The following PRKCE variants were observed in gnomAD, a reference collection of about 807,000 sequenced individuals.
The protein encoded by PRKCE is protein kinase C epsilon.
PRKCE carries 16 observed loss-of-function variants against 85.4 expected under a neutral mutation model. That is an observed-to-expected ratio of 0.19 (90% CI 0.13 to 0.28). The LOEUF is 0.28. Among genes scored for constraint, PRKCE ranks in the 10% least tolerant of loss-of-function variants. The probability of loss-of-function intolerance (pLI) is 1.00; values close to 1 mark genes in which losing one functional copy is unlikely to be tolerated. For synonymous variants in PRKCE, 388 were observed against 371.5 expected (o/e 1.04, Z -0.51); for missense variants, 573 against 975.2 (o/e 0.59, Z 5.49).
intron 10 of PRKCE, among the ~76,000 whole-genome samples, chr2:46,081,551 A>AG (rs1157928396): frequency 6.6e-6 from 1 of 152,204 alleles, no homozygotes; most frequent in African/African-American, 2.4e-5. Flanking sequence ...AGCACGTCAC[A>AG]GGGGGATCTG....
intron 2 of PRKCE, among the ~76,000 whole-genome samples, chr2:45,859,040 CTAAATAAATAAA>C (rs3045334): frequency 0.031 from 4,242 of 135,412 alleles, 88 homozygotes; most frequent in Middle Eastern, 0.074. Flanking sequence ...GACTCCATCT[CTAAATAAATAAA>C]TAAATAAATA....
intron 1 of PRKCE, among the ~76,000 whole-genome samples, chr2:45,827,487 C>T (rs1014062487): frequency 7.2e-5 from 11 of 152,028 alleles, no homozygotes; most frequent in African/African-American, 1.4e-4. Context: ...CTGTATGAGC[C>T]GGAATTGTTC....
chr2:45,840,563 C>T (rs1691260939), intron 1 of PRKCE: 1 of 152,212 alleles, frequency 6.6e-6, no homozygotes, highest in African/African-American at 2.4e-5. Flanking sequence ...TGAGCAGCTC[C>T]CCCGGGGTGC....
intron 1 of PRKCE, among the ~76,000 whole-genome samples, chr2:45,736,995 A>C (rs1682122647): frequency 6.6e-6 from 1 of 152,166 alleles, no homozygotes; most frequent in African/African-American, 2.4e-5. Flanking sequence ...GGCCATGCTG[A>C]AAGGGAGCTG....
intron 1 of PRKCE, among the ~76,000 whole-genome samples, chr2:45,749,829 G>A (rs1683406746): frequency 6.6e-6 from 1 of 152,178 alleles, no homozygotes; most frequent in Non-Finnish European, 1.5e-5. Context: ...CATTACAGCT[G>A]CTACAGGAAG....
In PRKCE at chr2:46,001,343, A is replaced by G; in HGVS notation, c.824-61A>G. 1 of 1,502,350 alleles carries G rather than the reference A, an allele frequency of 6.7e-7. No individual in the cohort carries two copies. The highest frequency in any genetic ancestry group is 1.3e-5 in the South Asian group (1 of 79,714). The allele number at this position is 1,502,350 out of a possible 1,614,324, so 93.1% of individuals were successfully genotyped here. On this transcript the variant is annotated intron_variant, in intron 6 of 14. Transcript: ENST00000306156. The surrounding 1 kb of genome is among the most constrained non-coding windows in gnomAD (Gnocchi z 4.4). ...ATGAACATATAATACAATCTCAAAG[A>G]AAAGAAGCAACATCTTAGGCCATGA...
intron 10 of PRKCE, among the ~76,000 whole-genome samples, chr2:46,080,469 G>A (rs763261863): frequency 2.0e-5 from 3 of 152,220 alleles, no homozygotes; most frequent in Non-Finnish European, 4.4e-5. Flanking sequence ...ATGATGTGGG[G>A]AAACCAACTC....
chr2:45,739,286 CT>C (rs1253787116), intron 1 of PRKCE, among the ~76,000 whole-genome samples: 3 of 152,186 alleles, frequency 2.0e-5, no homozygotes, highest in Non-Finnish European at 4.4e-5. Context: ...AATTATGAGC[CT>C]TGGAAAAGCT....
chr2:46,059,402 G>A (rs79352518), intron 10 of PRKCE, among the ~76,000 whole-genome samples: 1 of 152,094 alleles, frequency 6.6e-6, no homozygotes, highest in Non-Finnish European at 1.5e-5. Context: ...ACATACAGTG[G>A]CCTCAGCCCA....
chr2:46,107,234 A>C (rs1014867913), intron 11 of PRKCE, among the ~76,000 whole-genome samples: 9 of 152,244 alleles, frequency 5.9e-5, no homozygotes, highest in African/African-American at 2.4e-5. Flanking sequence ...AATGCCATTT[A>C]ATTGGAATCA....
intron 1 of PRKCE, among the ~76,000 whole-genome samples, chr2:45,741,816 C>A (rs1198478161): frequency 6.6e-6 from 1 of 152,214 alleles, no homozygotes; most frequent in Admixed American, 6.5e-5. Context: ...CAGGTCTTCT[C>A]TGTTCCAGCA....
At chr2:46,087,449 G>C (rs1669753542) in intron 11 of PRKCE, among the ~76,000 whole-genome samples, 1 of 152,164 alleles carries the variant, frequency 6.6e-6, no homozygotes, top group Admixed American at 6.5e-5. Flanking sequence ...GCTCCTGGGA[G>C]CAGTGCCCTG....
At chr2:46,017,681 G>A (rs1706285017) in intron 10 of PRKCE, among the ~76,000 whole-genome samples, 2 of 152,146 alleles carry the variant, frequency 1.3e-5, no homozygotes, top group South Asian at 2.1e-4. Flanking sequence ...GTGCACCAGG[G>A]TTCTGATCTG....
At chr2:45,714,467 G>A (rs1679924754) in intron 1 of PRKCE, among the ~76,000 whole-genome samples, 1 of 152,242 alleles carries the variant, frequency 6.6e-6, no homozygotes, top group Non-Finnish European at 1.5e-5. Flanking sequence ...AACTTGATGT[G>A]CTCAAGGTCA....
intron 1 of PRKCE, among the ~76,000 whole-genome samples, chr2:45,708,265 T>A (rs1219387113): frequency 6.6e-6 from 1 of 152,212 alleles, no homozygotes; most frequent in Non-Finnish European, 1.5e-5. Context: ...CAGAGATGGC[T>A]TATGTGTCCA....
chr2:45,682,364 A>C (rs1477497686), intron 1 of PRKCE, among the ~76,000 whole-genome samples: 5 of 152,206 alleles, frequency 3.3e-5, no homozygotes, highest in African/African-American at 1.2e-4. Flanking sequence ...TTTTGAAATA[A>C]CACACTGGTG....
chr2:46,136,659 C>T (rs1242653668), intron 11 of PRKCE, among the ~76,000 whole-genome samples: 4 of 152,150 alleles, frequency 2.6e-5, no homozygotes, highest in South Asian at 2.1e-4. Context: ...GGCAGCCAGT[C>T]CTGAGAAGTT....
At chr2:46,007,407 G>T (rs1705296924) in intron 8 of PRKCE, 55 bp from the exon 9 acceptor site, 1 of 1,565,792 alleles carries the variant, frequency 6.4e-7, no homozygotes, top group Non-Finnish European at 8.7e-7. Flanking sequence ...GAGTCCTAAT[G>T]TAACAGGCTT....
At chr2:45,823,393 C>T (rs758287429) in intron 1 of PRKCE, among the ~76,000 whole-genome samples, 6 of 152,314 alleles carry the variant, frequency 3.9e-5, no homozygotes, top group South Asian at 2.1e-4. Context: ...GAATTACTTT[C>T]GCAGACAGGC....
Sources: gnomAD v4.1 joint callset for allele counts (sites outside exome capture counted in the v4.1 genomes callset) on GRCh38, gnomAD v4.1.1 for gene constraint, Gnocchi (gnomAD v3.1) non-coding constraint, MANE v1.5 for transcripts, NCBI Gene and HGNC (gene_info 2026-07-23, HGNC 2026-07-21) for gene names.